SLC35F3: variants seen among roughly 807,000 people sequenced by gnomAD.
SLC35F3 encodes the protein putative thiamine transporter SLC35F3.
Under a neutral mutation model 49.9 loss-of-function variants are expected in SLC35F3, and 25 were observed. The observed-to-expected ratio is 0.50, with a 90% CI of 0.37 to 0.70. SLC35F3 has a LOEUF of 0.70. SLC35F3 is among the 30% of genes least tolerant of loss of function. The probability of loss-of-function intolerance (pLI) is 0.00; values close to 1 mark genes in which losing one functional copy is unlikely to be tolerated. For missense variants in SLC35F3, 525 were observed against 639.8 expected, an observed-to-expected ratio of 0.82 and a Z score of 1.94; for synonymous variants, 275 against 265.4, an observed-to-expected ratio of 1.04 and a Z score of -0.35.
chr1:234,015,725 G>A (rs1663793468), intron 2 of SLC35F3, among the ~76,000 whole-genome samples: 1 of 152,146 alleles, frequency 6.6e-6, no homozygotes, highest in African/African-American at 2.4e-5. Context: ...AGACATAGGG[G>A]AAAGCTACAT....
chr1:233,988,618 C>T (rs955798189), intron 2 of SLC35F3, among the ~76,000 whole-genome samples: 7 of 152,304 alleles, frequency 4.6e-5, no homozygotes, highest in African/African-American at 1.4e-4. Context: ...CACACAGGCA[C>T]GCTTTCAGCT....
At chr1:234,052,363 T>C (rs1249181521) in intron 2 of SLC35F3, among the ~76,000 whole-genome samples, 1 of 152,232 alleles carries the variant, frequency 6.6e-6, no homozygotes, top group Non-Finnish European at 1.5e-5. Flanking sequence ...GGTTTAGTCT[T>C]GGGAGGGTGT....
At chr1:234,279,754 G>A (rs937772116) in intron 3 of SLC35F3, among the ~76,000 whole-genome samples, 1 of 152,302 alleles carries the variant, frequency 6.6e-6, no homozygotes, top group African/African-American at 2.4e-5. Flanking sequence ...AAATGATTAT[G>A]GCCAAAGCCT....
chr1:234,287,639 G>A (rs941660956), intron 3 of SLC35F3, among the ~76,000 whole-genome samples: 6 of 152,260 alleles, frequency 3.9e-5, no homozygotes, highest in African/African-American at 1.4e-4. Context: ...AAATGATGAA[G>A]GTGAGACACA....
intron 2 of SLC35F3, among the ~76,000 whole-genome samples, chr1:233,924,194 G>C (rs1209883203): frequency 2.0e-5 from 3 of 152,082 alleles, no homozygotes; most frequent in Admixed American, 6.5e-5. Context: ...TTTTTCTGTT[G>C]ATTGGAATAG....
At chr1:233,947,780 G>T (rs959168072) in intron 2 of SLC35F3, among the ~76,000 whole-genome samples, 3 of 144,592 alleles carry the variant, frequency 2.1e-5, no homozygotes, top group Admixed American at 1.4e-4. Context: ...GAAGAGAGAG[G>T]AGAGAGAGAA....
At chr1:233,917,246 C>T (rs1211591392) in intron 2 of SLC35F3, among the ~76,000 whole-genome samples, 2 of 152,146 alleles carry the variant, frequency 1.3e-5, no homozygotes, top group Non-Finnish European at 2.9e-5. Context: ...TCAACAATGA[C>T]CAGCCTTAAA....
intron 2 of SLC35F3, among the ~76,000 whole-genome samples, chr1:233,964,580 G>A (rs191189556): frequency 1.6e-4 from 24 of 152,360 alleles, no homozygotes; most frequent in Non-Finnish European, 1.5e-5. Context: ...GCGAATCAGG[G>A]TGTTAAGACT....
chr1:233,956,705 C>T (rs528143627), intron 2 of SLC35F3, among the ~76,000 whole-genome samples: 11 of 152,234 alleles, frequency 7.2e-5, no homozygotes, highest in East Asian at 1.9e-4. Flanking sequence ...GGCAACTGGG[C>T]GTGAGACATT....
At chr1:234,010,427 T>G (rs569062934) in intron 2 of SLC35F3, among the ~76,000 whole-genome samples, 1 of 151,908 alleles carries the variant, frequency 6.6e-6, no homozygotes. Context: ...AGAGAAAAAA[T>G]GAAGCAAAGT....
intron 2 of SLC35F3, among the ~76,000 whole-genome samples, chr1:234,068,953 C>T (rs186174915): frequency 2.4e-4 from 9 of 38,294 alleles, no homozygotes; most frequent in Admixed American, 1.6e-3. Context: ...AATTTTACTA[C>T]ATATAATATA....
intron 2 of SLC35F3, among the ~76,000 whole-genome samples, chr1:234,117,981 C>A (rs2102891513): frequency 1.5e-5 from 2 of 133,840 alleles, no homozygotes; most frequent in Non-Finnish European, 3.2e-5. Context: ...TATATAAAAC[C>A]ACAAGAAACT....
intron 2 of SLC35F3, among the ~76,000 whole-genome samples, chr1:234,104,203 T>C (rs1397584047): frequency 6.6e-6 from 1 of 152,204 alleles, no homozygotes; most frequent in Non-Finnish European, 1.5e-5. Flanking sequence ...GCCCATGTTA[T>C]GCAGTGATGA....
chr1:234,177,642 TTG>T (rs1157987713), intron 2 of SLC35F3, among the ~76,000 whole-genome samples: 2 of 151,892 alleles, frequency 1.3e-5, no homozygotes, highest in Non-Finnish European at 2.9e-5. Context: ...ACTTACAGAG[TTG>T]TAGGGGCTCA....
rs34032258 is a variant in SLC35F3 at position 234,231,518 on chromosome 1, C to G, written c.385C>G (p.Arg129Gly). 6,193 of 1,613,862 alleles carry G rather than the reference C, an allele frequency of 3.8e-3. 269 individuals carry two copies. The Admixed American group carries it at 0.085, about 22-fold the overall frequency. Residue 129 changes from arginine (R) to glycine (G), a missense_variant, in exon 3 of 8, where the codon CGG becomes GGG. Physicochemically the swap from Arg to Gly is moderately radical, Grantham distance 125. Transcript: ENST00000366618. This position sits in a 1 kb window ranked among gnomAD's most constrained non-coding sequence, Gnocchi z 5.4. ...GAGTCGCCGCTGCTGGACGTGCTCC[C>G]GGGCGCAACTCAAGAAGATCTTCTG... ...RASRRCWTCS[R>G]AQLKKIFWGV...
intron 2 of SLC35F3, among the ~76,000 whole-genome samples, chr1:234,029,912 A>G (rs576774733): frequency 2.6e-5 from 4 of 152,202 alleles, no homozygotes; most frequent in Non-Finnish European, 5.9e-5. Context: ...GATTCTGTAC[A>G]GAATTTCTTC....
chr1:234,059,399 T>C (rs4920170), intron 2 of SLC35F3, among the ~76,000 whole-genome samples: 2,673 of 152,266 alleles, frequency 0.018, 119 homozygotes, highest in East Asian at 0.17. Context: ...CATCTCAAAG[T>C]ATTTTCTAAT....
intron 3 of SLC35F3, chr1:234,285,582 G>A (rs942073242): frequency 2.0e-5 from 6 of 292,818 alleles, no homozygotes; most frequent in Admixed American, 9.1e-5. Flanking sequence ...ACAGATGCCA[G>A]ATGATTCCTA....
chr1:234,082,857 T>C lies in SLC35F3; in HGVS notation c.284-148560T>C, dbSNP rs147319985. 3.6e-3 allele frequency among the ~76,000 whole-genome samples: 541 copies of C among 152,200 alleles called. 2 individuals carry two copies. Among genetic ancestry groups the C allele is most frequent in the African/African-American group, 0.012 (508 of 41,534 alleles). The stretch of plus-strand genomic sequence containing the variant: ...GCCCCCATGATTCAGTTATCTCCCA[T>C]TGGGCCCCTCCTACAACACCTGGGA... On this transcript the variant is annotated intron_variant, in intron 2 of 7. Transcript: ENST00000366618.
Sources: allele counts gnomAD v4.1 joint callset (sites outside exome capture counted in the v4.1 genomes callset), GRCh38; gene constraint gnomAD v4.1.1; non-coding constraint Gnocchi (gnomAD v3.1); transcripts MANE v1.5; gene names NCBI Gene and HGNC (gene_info 2026-07-23, HGNC 2026-07-21).